SNX25: variants seen among roughly 807,000 people sequenced by gnomAD.
SNX25 encodes sorting nexin 25, also known as sorting nexin-25.
Under a neutral mutation model 113.7 loss-of-function variants are expected in SNX25, and 62 were observed. The observed-to-expected ratio is 0.55, with a 90% CI of 0.44 to 0.67. The LOEUF (loss-of-function observed/expected upper bound fraction) is 0.67. Among genes scored for constraint, SNX25 ranks in the 30% least tolerant of loss-of-function variants. SNX25 has a pLI of 0.00. For synonymous variants in SNX25, 421 were observed against 436.2 expected (o/e 0.97, Z 0.43); for missense variants, 1,014 against 1,161.0 (o/e 0.87, Z 1.84).
At chr4:185,249,179 A>G (rs1745282867) in intron 2 of SNX25, among the ~76,000 whole-genome samples, 1 of 152,212 alleles carries the variant, frequency 6.6e-6, no homozygotes, top group South Asian at 2.1e-4. Flanking sequence ...TTGCTGAGCC[A>G]TAGGATAGTT....
chr4:185,323,751 A>G lies in SNX25; in HGVS notation c.1700A>G (p.Lys567Arg). Residue 567 changes from lysine (K) to arginine (R), a missense_variant, in exon 9 of 19, where the codon AAA becomes AGA. Physicochemically the swap from Lys to Arg is conservative, Grantham distance 26 (BLOSUM62 2). Coordinates refer to ENST00000652585, the MANE Select transcript of SNX25 (RefSeq NM_001378034.2). ...GACCTGTATGAGAAATTGTTGATAA[A>G]AGAGGAAGAAAAACATGCCTCACAG... The part of the protein sequence containing the change: ...VSDLYEKLLI[K>R]EEEKHASQMI... The G allele has an allele frequency of 5.6e-6, 9 of 1,613,652 alleles. No homozygotes were observed. The highest frequency in any genetic ancestry group is 7.6e-6 in the Non-Finnish European group (9 of 1,179,846).
At chr4:185,238,936 A>G (rs542523304) in intron 1 of SNX25, among the ~76,000 whole-genome samples, 2 of 152,212 alleles carry the variant, frequency 1.3e-5, no homozygotes, top group East Asian at 1.9e-4. Flanking sequence ...TGAGGTGTGT[A>G]TGTTGGCTGG....
chr4:185,363,524 CCTCTTTTCCACAGAGGG>C lies in SNX25; in HGVS notation c.*62_*78del. 1 of 1,526,154 alleles carries C rather than the reference CCTCTTTTCCACAGAGGG, an allele frequency of 6.6e-7. No individual in the cohort carries two copies. The highest frequency in any genetic ancestry group is 9.1e-7 in the Non-Finnish European group (1 of 1,101,338). 94.5% of individuals were successfully genotyped at this position (1,526,154 alleles called of 1,614,324 possible). Reference sequence around the variant, plus strand: ...TGTAATAATAGACATGAAACATTTTCCTCTTTTCCACAGAGGGCTTAACTGAGAACCGTATTGATTTT... The same window carrying C: ...TGTAATAATAGACATGAAACATTTTCCTTAACTGAGAACCGTATTGATTTT... On this transcript the variant is annotated 3_prime_UTR_variant, in exon 19 of 19. Coordinates refer to ENST00000652585, the MANE Select transcript of SNX25 (RefSeq NM_001378034.2). The surrounding 1 kb of genome is among the most constrained non-coding windows in gnomAD (Gnocchi z 4.2).
intron 10 of SNX25, among the ~76,000 whole-genome samples, chr4:185,335,780 C>G (rs1011836734): frequency 6.6e-6 from 1 of 152,166 alleles, no homozygotes; most frequent in Non-Finnish European, 1.5e-5. Flanking sequence ...TGAGTAAATG[C>G]ATGGTGCTGT....
In SNX25 at chr4:185,342,028, T is replaced by A; in HGVS notation, c.2099T>A (p.Leu700Gln). 6.2e-7 allele frequency: 1 copy of A among 1,611,850 alleles called. No individual in the cohort carries two copies. The highest frequency in any genetic ancestry group is 8.5e-7 in the Non-Finnish European group (1 of 1,179,134). The change falls in exon 12 of 19, where the codon CTA becomes CAA. Residue 700 changes from leucine to glutamine, a missense_variant. Leu to Gln is a moderately radical substitution (Grantham distance 113). Transcript: ENST00000652585. ...CCATGTTACTTTGTCATGGTAAGCC[T>A]ACAAGAAGTTGGAGGAGTTGAAACT... ...QLPCYFVMVS[L>Q]QEVGGVETKN...
intron 9 of SNX25, among the ~76,000 whole-genome samples, chr4:185,327,108 G>A (rs1321662795): frequency 6.6e-6 from 1 of 152,144 alleles, no homozygotes; most frequent in Non-Finnish European, 1.5e-5. Context: ...TTTACCAAAA[G>A]TATACGTAAA....
At chr4:185,284,472 G>A (rs1751067106) in intron 5 of SNX25, among the ~76,000 whole-genome samples, 1 of 152,220 alleles carries the variant, frequency 6.6e-6, no homozygotes, top group Non-Finnish European at 1.5e-5. Context: ...ATCTAGGTAG[G>A]TGGACAAGTA....
At position 185,342,007 on chromosome 4, in the gene SNX25, G is replaced by A. The variant is rs2095262409; in HGVS notation, c.2078G>A (p.Cys693Tyr). 1 of 1,608,804 alleles carries A rather than the reference G, an allele frequency of 6.2e-7. No homozygotes were observed. Residue 693 changes from cysteine (C) to tyrosine (Y), a missense_variant, in exon 12 of 19, where the codon TGT becomes TAT. Transcript: ENST00000652585. Reference protein sequence around the residue: ...VTEENGEQLPCYFVMVSLQEV... With the variant: ...VTEENGEQLPYYFVMVSLQEV... Reference sequence around the variant, plus strand: ...GAAGAGAATGGTGAGCAATTGCCATGTTACTTTGTCATGGTAAGCCTACAA... The same window carrying A: ...GAAGAGAATGGTGAGCAATTGCCATATTACTTTGTCATGGTAAGCCTACAA...
intron 1 of SNX25, among the ~76,000 whole-genome samples, chr4:185,211,250 G>T (rs1260129689): frequency 6.6e-6 from 1 of 152,208 alleles, no homozygotes; most frequent in Non-Finnish European, 1.5e-5. Flanking sequence ...TGTTAGTTCA[G>T]AATGCAGCGC....
At position 185,363,273 on chromosome 4, in the gene SNX25, T is replaced by C; in HGVS notation, c.2935-112T>C. 1.1e-6 allele frequency: 1 copy of C among 879,306 alleles called. No individual in the cohort carries two copies. Among genetic ancestry groups the C allele is most frequent in the Middle Eastern group, 2.3e-4 (1 of 4,278 alleles). The allele number at this position is 879,306 out of a possible 1,614,324, so 54.5% of individuals were successfully genotyped here. A position where few individuals can be genotyped will look rare whatever the true frequency, so the allele number is the denominator to read the frequency against. ...TACTGTTTGAGAGTTACTTGTTTAC[T>C]GAGATAATTTCAGACCTAAAATTAG... On this transcript the variant is annotated intron_variant, in intron 18 of 18. Coordinates refer to ENST00000652585, the MANE Select transcript of SNX25 (RefSeq NM_001378034.2). The surrounding 1 kb of genome is among the most constrained non-coding windows in gnomAD (Gnocchi z 4.2).
the SNX25 span, chr4:185,378,196 G>T: frequency 4.8e-5 from 78 of 1,613,390 alleles, no homozygotes; most frequent in Non-Finnish European, 6.6e-5. Context: ...TCCTTTTTCT[G>T]CAATGTGTAT....
At chr4:185,356,909 G>C (rs2095341781) in intron 15 of SNX25, among the ~76,000 whole-genome samples, 1 of 152,138 alleles carries the variant, frequency 6.6e-6, no homozygotes, top group African/African-American at 2.4e-5. Context: ...GTTGGTTTAT[G>C]TTCAGTTTCT....
intron 7 of SNX25, among the ~76,000 whole-genome samples, chr4:185,318,179 T>C (rs1248617268): frequency 6.6e-6 from 1 of 152,182 alleles, no homozygotes; most frequent in African/African-American, 2.4e-5. Context: ...ACTGGTGACA[T>C]TTCTGAAAAT....
intron 1 of SNX25, among the ~76,000 whole-genome samples, chr4:185,218,323 G>A (rs190716244): frequency 2.0e-5 from 3 of 152,336 alleles, no homozygotes; most frequent in African/African-American, 7.2e-5. Flanking sequence ...GACCTCAGGC[G>A]ATCCGTGCCC....
chr4:185,269,344 C>T (rs545487462), intron 5 of SNX25, among the ~76,000 whole-genome samples: 1 of 152,284 alleles, frequency 6.6e-6, no homozygotes, highest in Non-Finnish European at 1.5e-5. Flanking sequence ...TGTTTTCGTG[C>T]CTGCTGTTCC....
At chr4:185,280,424 T>C (rs935439559) in intron 5 of SNX25, among the ~76,000 whole-genome samples, 10 of 152,338 alleles carry the variant, frequency 6.6e-5, no homozygotes, top group Admixed American at 3.9e-4. Context: ...AACCCAGTTT[T>C]ATAAAACAAA....
intron 6 of SNX25, among the ~76,000 whole-genome samples, chr4:185,295,090 T>C (rs1752668711): frequency 6.6e-6 from 1 of 152,156 alleles, no homozygotes; most frequent in African/African-American, 2.4e-5. Flanking sequence ...CCCCCTCCCA[T>C]AAAAGTCATT....
intron 6 of SNX25, 102 bp downstream of exon 6, chr4:185,288,184 G>C (rs1367009160): frequency 3.8e-6 from 3 of 782,604 alleles, no homozygotes; most frequent in Non-Finnish European, 6.4e-6. Context: ...AGCTTTTCTG[G>C]CTTACATTTA....
upstream of SNX25, among the ~76,000 whole-genome samples, chr4:185,208,298 G>A (rs1181869338): frequency 6.6e-6 from 1 of 151,856 alleles, no homozygotes; most frequent in Non-Finnish European, 1.5e-5. Flanking sequence ...TTACAGGCGT[G>A]AGCCACCGTG....
Sources: allele counts gnomAD v4.1 joint callset (sites outside exome capture counted in the v4.1 genomes callset), GRCh38; gene constraint gnomAD v4.1.1; non-coding constraint Gnocchi (gnomAD v3.1); transcripts MANE v1.5; gene names NCBI Gene and HGNC (gene_info 2026-07-23, HGNC 2026-07-21).